Variants in TBC1D5 observed in about 807,000 individuals in gnomAD.
TBC1D5 encodes the protein TBC1 domain family member 5, also known as TBC1 domain family, member 5.
A neutral mutation model predicts 100.3 loss-of-function variants in TBC1D5; 75 were observed. The observed-to-expected ratio is 0.75, with a 90% CI of 0.62 to 0.91. The LOEUF (loss-of-function observed/expected upper bound fraction) is 0.91, where lower values mean the gene tolerates loss of function less well. Among genes scored for constraint, TBC1D5 ranks in the 40% least tolerant of loss-of-function variants. TBC1D5 has a pLI of 0.00. For missense variants in TBC1D5, 910 were observed against 942.4 expected, an observed-to-expected ratio of 0.97 and a Z score of 0.45; for synonymous variants, 323 against 325.6, an observed-to-expected ratio of 0.99 and a Z score of 0.09.
intron 13 of TBC1D5, among the ~76,000 whole-genome samples, chr3:17,326,131 C>T (rs1393472355): frequency 6.6e-6 from 1 of 152,114 alleles, no homozygotes; most frequent in Admixed American, 6.5e-5. Context: ...CACCCTCACA[C>T]ACAAAAATAC....
chr3:17,325,008 ATAGCATAGCCATTT>A (rs1230914185), intron 13 of TBC1D5, among the ~76,000 whole-genome samples: 1 of 152,210 alleles, frequency 6.6e-6, no homozygotes, highest in Non-Finnish European at 1.5e-5. Context: ...GTAATACAAA[ATAGCATAGCCATTT>A]TGGAGAGCAG....
chr3:17,618,611 G>C (rs959109975), intron 2 of TBC1D5, among the ~76,000 whole-genome samples: 1 of 152,194 alleles, frequency 6.6e-6, no homozygotes, highest in South Asian at 2.1e-4. Context: ...AGCAATGGGG[G>C]ACGCCCCTCC....
At chr3:17,196,591 T>C (rs183126061) in intron 18 of TBC1D5, among the ~76,000 whole-genome samples, 52 of 152,348 alleles carry the variant, frequency 3.4e-4, no homozygotes, top group Non-Finnish European at 6.0e-4. Context: ...GAAGGGCTCC[T>C]GCAGAATTCT....
At chr3:17,483,628 TGTATATTATTAAAA>T (rs1299784176) in intron 3 of TBC1D5, among the ~76,000 whole-genome samples, 15 of 152,288 alleles carry the variant, frequency 9.8e-5, no homozygotes, top group Non-Finnish European at 1.9e-4. Flanking sequence ...ACAATTGAAC[TGTATATTATTAAAA>T]GTGTTCACAT....
At chr3:17,459,286 C>A (rs2095154755) in intron 3 of TBC1D5, among the ~76,000 whole-genome samples, 1 of 152,170 alleles carries the variant, frequency 6.6e-6, no homozygotes. Context: ...CAGGATGAAA[C>A]TGTTCCACCT....
chr3:17,327,743 G>A lies in TBC1D5; in HGVS notation c.996-19609C>T, dbSNP rs115478507. 4.2e-3 allele frequency among the ~76,000 whole-genome samples: 641 copies of A among 151,900 alleles called. 4 individuals carry two copies. The highest frequency in any genetic ancestry group is 0.014 in the African/African-American group (577 of 41,390). On this transcript the variant is annotated intron_variant, in intron 13 of 21. Transcript: ENST00000253692. The stretch of plus-strand genomic sequence containing the variant: ...CCGCCTAACATTACCTATATTTCAT[G>A]TTCTCGTATTTACTATGTCCCCCAC...
intron 1 of TBC1D5, among the ~76,000 whole-genome samples, chr3:17,707,888 T>G (rs2074334902): frequency 6.6e-6 from 1 of 152,190 alleles, no homozygotes; most frequent in Admixed American, 6.5e-5. Context: ...TTTTTGTTGT[T>G]GAGAAATTTT....
chr3:17,456,829 C>T (rs946695055), intron 3 of TBC1D5, among the ~76,000 whole-genome samples: 4 of 152,084 alleles, frequency 2.6e-5, no homozygotes, highest in Admixed American at 6.5e-5. Context: ...GAACAAAGTA[C>T]GGATACATGC....
At chr3:17,678,861 C>T (rs1279671432) in intron 1 of TBC1D5, among the ~76,000 whole-genome samples, 1 of 150,292 alleles carries the variant, frequency 6.7e-6, no homozygotes, top group African/African-American at 2.5e-5. Flanking sequence ...TAAGAACAAG[C>T]CATATATAGC....
chr3:17,361,229 A>T (rs2091675219), intron 13 of TBC1D5, among the ~76,000 whole-genome samples: 1 of 150,384 alleles, frequency 6.6e-6, no homozygotes, highest in East Asian at 1.9e-4. Flanking sequence ...GAGTTGCCTA[A>T]TTTTTTTTTT....
intron 2 of TBC1D5, chr3:17,561,884 T>TA (rs569676048): frequency 4.7e-4 from 71 of 152,296 alleles, no homozygotes; most frequent in African/African-American, 1.7e-3. Context: ...CAAGGGCAGT[T>TA]AAAGATTAGA....
intron 2 of TBC1D5, among the ~76,000 whole-genome samples, chr3:17,540,905 CA>C (rs71634807): frequency 0.038 from 1,204 of 31,376 alleles, 1 homozygote; most frequent in Admixed American, 0.081. Context: ...GGCTCCATCT[CA>C]AAAAAAAAAA....
At chr3:17,706,031 C>T (rs1244735200) in intron 1 of TBC1D5, 1 of 1,550,500 alleles carries the variant, frequency 6.4e-7, no homozygotes, top group African/African-American at 1.4e-5. Flanking sequence ...CCTGGACTTA[C>T]ACCATGTTCT....
intron 16 of TBC1D5, among the ~76,000 whole-genome samples, chr3:17,244,258 A>C (rs2076543685): frequency 6.6e-6 from 1 of 152,210 alleles, no homozygotes; most frequent in African/African-American, 2.4e-5. Flanking sequence ...TATTAAATGA[A>C]AGCCCCTTTC....
chr3:17,726,782 A>G (rs1250369825), intron 1 of TBC1D5, among the ~76,000 whole-genome samples: 4 of 152,194 alleles, frequency 2.6e-5, no homozygotes, highest in East Asian at 1.9e-4. Context: ...TACTTTGTCT[A>G]TGTAAACAAG....
intron 1 of TBC1D5, among the ~76,000 whole-genome samples, chr3:17,645,983 T>C (rs2064981436): frequency 6.6e-6 from 1 of 152,152 alleles, no homozygotes; most frequent in African/African-American, 2.4e-5. Flanking sequence ...CAATGAAAGA[T>C]GTATCAATGT....
chr3:17,166,807 C>T (rs770961977), exon 21 of TBC1D5: 18 of 1,613,940 alleles, frequency 1.1e-5, no homozygotes, highest in Middle Eastern at 3.3e-4. Flanking sequence ...CTGGCCTTGG[C>T]CTCGGCCCTG....
At chr3:17,368,878 AT>A (rs1212569800) in intron 13 of TBC1D5, among the ~76,000 whole-genome samples, 25 of 152,212 alleles carry the variant, frequency 1.6e-4, no homozygotes, top group Middle Eastern at 3.4e-3. Context: ...AAAAGAGATT[AT>A]TTTACATCTG....
chr3:17,613,016 C>T (rs898294309), intron 2 of TBC1D5, among the ~76,000 whole-genome samples: 4 of 151,940 alleles, frequency 2.6e-5, no homozygotes, highest in African/African-American at 9.7e-5. Flanking sequence ...CATATTTCTC[C>T]TAATGATATC....
Sources: allele counts gnomAD v4.1 joint callset (sites outside exome capture counted in the v4.1 genomes callset), GRCh38; gene constraint gnomAD v4.1.1; transcripts MANE v1.5; gene names NCBI Gene and HGNC (gene_info 2026-07-23, HGNC 2026-07-21).